Variants in C6orf118 observed in about 807,000 individuals in gnomAD.
C6orf118 encodes uncharacterized protein C6orf118.
Under a neutral mutation model 50.2 loss-of-function variants are expected in C6orf118, and 50 were observed. That is an observed-to-expected ratio of 1.00 (90% CI 0.79 to 1.26). The LOEUF is 1.26. C6orf118 is among the 50% of genes most tolerant of loss of function. The probability of loss-of-function intolerance (pLI) is 0.00; values close to 1 mark genes in which losing one functional copy is unlikely to be tolerated. For missense variants in C6orf118, 641 were observed against 578.7 expected, an observed-to-expected ratio of 1.11 and a Z score of -1.10; for synonymous variants, 239 against 230.9, an observed-to-expected ratio of 1.03 and a Z score of -0.32.
Position 165,297,912 on chromosome 6 carries a change from CA to C in C6orf118, c.1061+64del, listed in dbSNP as rs1207329948. On this transcript the variant is annotated intron_variant, in intron 5 of 8. Coordinates refer to ENST00000230301, the MANE Select transcript of C6orf118 (RefSeq NM_144980.4). Reference sequence around the variant, plus strand: ...AATCAATGTAACCGTAGGCTTGTCACAGCGGTTTCAGACCTTGTTACGGAAG... The same window carrying C: ...AATCAATGTAACCGTAGGCTTGTCACGCGGTTTCAGACCTTGTTACGGAAG... 4.4e-6 allele frequency: 7 copies of C among 1,605,874 alleles called. No homozygotes were observed. In the Admixed American group the frequency reaches 1.0e-4, roughly 23 times the overall value.
chr6:165,290,127 G>C, intron 6 of C6orf118, 60 bp from the exon 7 acceptor site: 1 of 996,398 alleles, frequency 1.0e-6, no homozygotes, highest in South Asian at 1.5e-5. Context: ...ATTATTAATA[G>C]CATTATGTAT....
intron 1 of C6orf118, among the ~76,000 whole-genome samples, chr6:165,303,142 C>G (rs116215658): frequency 6.6e-6 from 1 of 152,196 alleles, no homozygotes; most frequent in Non-Finnish European, 1.5e-5. Context: ...CTCAGAGAAA[C>G]TTCCTCTGTC....
At chr6:165,293,286 C>T (rs945021121) in intron 6 of C6orf118, 127 bp downstream of exon 6, 4 of 881,180 alleles carry the variant, frequency 4.5e-6, no homozygotes, top group Admixed American at 1.7e-5. Flanking sequence ...GTTGAATTCT[C>T]GCAACAAAAC....
Position 165,279,711 on chromosome 6 carries a change from T to A in C6orf118, c.*346A>T, listed in dbSNP as rs1779665460. 5.1e-6 allele frequency: 1 copy of A among 194,786 alleles called. No individual in the cohort carries two copies. Among genetic ancestry groups the A allele is most frequent in the Non-Finnish European group, 1.0e-5 (1 of 96,760 alleles). 12.1% of individuals were successfully genotyped at this position (194,786 alleles called of 1,614,324 possible). ...TATTAAATGCATATATGTAAACTTG[T>A]GTTGGCAAATAAACAAATTTGAGCT... On this transcript the variant is annotated 3_prime_UTR_variant, in exon 9 of 9. Transcript: ENST00000230301.
chr6:165,284,592 A>T (rs755478285), intron 7 of C6orf118, among the ~76,000 whole-genome samples: 8 of 152,202 alleles, frequency 5.3e-5, no homozygotes, highest in Non-Finnish European at 1.0e-4. Context: ...CAGGTCACCT[A>T]GAAAGGGAAA....
chr6:165,281,630 A>G lies in C6orf118; in HGVS notation c.1356+10T>C. 6.7e-7 allele frequency: 1 copy of G among 1,495,814 alleles called. No homozygotes were observed. Among genetic ancestry groups the G allele is most frequent in the South Asian group, 1.3e-5 (1 of 76,962 alleles). The allele number at this position is 1,495,814 out of a possible 1,614,324, so 92.7% of individuals were successfully genotyped here. On this transcript the variant is annotated intron_variant, in intron 8 of 8. Transcript: ENST00000230301. The stretch of plus-strand genomic sequence containing the variant: ...TTATTGATAAACATTGATTCACACA[A>G]AAAACTTACTTTTATTTTCTTCTTT...
chr6:165,297,864 T>C, intron 5 of C6orf118, 113 bp downstream of exon 5: 1 of 1,474,394 alleles, frequency 6.8e-7, no homozygotes. Flanking sequence ...TTAGCAAAAG[T>C]AGCATGTTTT....
Position 165,281,742 on chromosome 6 carries a change from G to C in C6orf118, c.1303-49C>G, listed in dbSNP as rs1582997267. The C allele has an allele frequency of 2.5e-6, 3 of 1,202,444 alleles. No homozygotes were observed. The East Asian group carries it at 8.6e-5, about 34-fold the overall frequency. 74.5% of individuals were successfully genotyped at this position (1,202,444 alleles called of 1,614,324 possible). A position where few individuals can be genotyped will look rare whatever the true frequency, so the allele number is the denominator to read the frequency against. On this transcript the variant is annotated intron_variant, in intron 7 of 8. Coordinates refer to ENST00000230301, the MANE Select transcript of C6orf118 (RefSeq NM_144980.4). ...ACAATATACTTGGTTAAAAATATTT[G>C]TTAATTATTTTTCTCTATTTAACAA...
At chr6:165,297,949 T>C in intron 5 of C6orf118, 28 bp downstream of exon 5, 1 of 1,612,994 alleles carries the variant, frequency 6.2e-7, no homozygotes, top group South Asian at 1.1e-5. Flanking sequence ...AATCTAAACA[T>C]AGATCAGATC....
intron 5 of C6orf118, among the ~76,000 whole-genome samples, chr6:165,295,945 C>T (rs1408689431): frequency 6.7e-6 from 1 of 149,180 alleles, no homozygotes; most frequent in Non-Finnish European, 1.5e-5. Context: ...CACACCCCTG[C>T]CATCATAGTC....
At chr6:165,307,519 C>T (rs518568) in intron 1 of C6orf118, among the ~76,000 whole-genome samples, 63,762 of 150,938 alleles carry the variant, frequency 0.42, 14,407 homozygotes, top group African/African-American at 0.58. Context: ...GATAGCACCA[C>T]TGCACTCCAG....
At chr6:165,282,127 A>G (rs1036622402) in intron 7 of C6orf118, 2 of 152,490 alleles carry the variant, frequency 1.3e-5, no homozygotes, top group Non-Finnish European at 2.9e-5. Context: ...CCATAAACTC[A>G]TAAGAACAAA....
intron 1 of C6orf118, among the ~76,000 whole-genome samples, chr6:165,307,669 G>A (rs1028222980): frequency 2.6e-5 from 4 of 152,076 alleles, no homozygotes; most frequent in Admixed American, 2.6e-4. Flanking sequence ...TATTCCCTCT[G>A]CGTTTCTGCC....
intron 7 of C6orf118, among the ~76,000 whole-genome samples, chr6:165,283,102 G>A (rs1436497077): frequency 6.6e-6 from 1 of 152,156 alleles, no homozygotes; most frequent in Non-Finnish European, 1.5e-5. Flanking sequence ...CCACAGAGAA[G>A]AACGAAAATG....
intron 7 of C6orf118, among the ~76,000 whole-genome samples, chr6:165,282,880 T>G (rs141845488): frequency 1.9e-3 from 293 of 152,300 alleles, no homozygotes; most frequent in African/African-American, 6.6e-3. Context: ...TATGAAAGAA[T>G]AGTTTACATT....
At chr6:165,287,033 T>C (rs1779930526) in intron 7 of C6orf118, among the ~76,000 whole-genome samples, 1 of 152,112 alleles carries the variant, frequency 6.6e-6, no homozygotes, top group Non-Finnish European at 1.5e-5. Flanking sequence ...GAAAATCCCA[T>C]CATCTCAGCC....
Position 165,293,403 on chromosome 6 carries a change from A to G in C6orf118, c.1120+10T>C. The G allele has an allele frequency of 6.2e-7, 1 of 1,613,704 alleles. No individual in the cohort carries two copies. Among genetic ancestry groups the G allele is most frequent in the Non-Finnish European group, 8.5e-7 (1 of 1,179,562 alleles). On this transcript the variant is annotated intron_variant, in intron 6 of 8. Coordinates refer to ENST00000230301, the MANE Select transcript of C6orf118 (RefSeq NM_144980.4). ...GCACCCATAAGGAAGGACATCACAC[A>G]GACACCTGCCTGATCGTTCCTTTGC...
At position 165,301,823 on chromosome 6, in the gene C6orf118, C is replaced by T. The variant is rs775488920; in HGVS notation, c.499G>A (p.Gly167Ser). Reference sequence around the variant, plus strand: ...TCCCTCCTGCGCCATCCAGGAGGGCCCCGTCCAGGAGGGCCTCCTTTCTTT... The same window carrying T: ...TCCCTCCTGCGCCATCCAGGAGGGCTCCGTCCAGGAGGGCCTCCTTTCTTT... ...EEKKGGPPGRGPPGWRRREEL... is the reference protein window; with the variant it reads ...EEKKGGPPGRSPPGWRRREEL... Residue 167 changes from glycine to serine, a missense_variant, in exon 2 of 9, where the codon GGC becomes AGC. Gly to Ser is a moderately conservative substitution (Grantham distance 56). Coordinates refer to ENST00000230301, the MANE Select transcript of C6orf118 (RefSeq NM_144980.4). 8.1e-6 allele frequency: 13 copies of T among 1,613,746 alleles called. No homozygotes were observed. In the Middle Eastern group the frequency reaches 1.2e-3, roughly 143 times the overall value.
At chr6:165,290,784 C>G (rs1433405016) in intron 6 of C6orf118, among the ~76,000 whole-genome samples, 1 of 152,136 alleles carries the variant, frequency 6.6e-6, no homozygotes, top group African/African-American at 2.4e-5. Context: ...ATCATTCACA[C>G]AGGTTGATCG....
Sources: allele counts gnomAD v4.1 joint callset (sites outside exome capture counted in the v4.1 genomes callset), GRCh38; gene constraint gnomAD v4.1.1; transcripts MANE v1.5; gene names NCBI Gene and HGNC (gene_info 2026-07-23, HGNC 2026-07-21).